The following LPP variants were observed in gnomAD, a reference collection of about 807,000 sequenced individuals.
LPP encodes the protein lipoma-preferred partner.
LPP carries 38 observed loss-of-function variants against 60.4 expected under a neutral mutation model. That is an observed-to-expected ratio of 0.63 (90% CI 0.49 to 0.83). The LOEUF is 0.83. Among genes scored for constraint, LPP ranks in the 40% least tolerant of loss-of-function variants. The pLI, the probability that LPP is intolerant of heterozygous loss-of-function variation, is 0.00. For missense variants in LPP, 902 were observed against 783.6 expected, an observed-to-expected ratio of 1.15 and a Z score of -1.80; for synonymous variants, 328 against 290.8, an observed-to-expected ratio of 1.13 and a Z score of -1.30.
chr3:188,401,815 T>G (rs1782313394), intron 3 of LPP, among the ~76,000 whole-genome samples: 1 of 152,204 alleles, frequency 6.6e-6, no homozygotes, highest in Non-Finnish European at 1.5e-5. Flanking sequence ...CAACAGTATG[T>G]AGATGCTGTG....
intron 4 of LPP, among the ~76,000 whole-genome samples, chr3:188,454,806 C>G (rs1165914446): frequency 6.6e-6 from 1 of 152,150 alleles, no homozygotes; most frequent in Non-Finnish European, 1.5e-5. Context: ...GGGACCATCT[C>G]CATGATTCAC....
intron 7 of LPP, among the ~76,000 whole-genome samples, chr3:188,681,778 A>C (rs1255671536): frequency 6.6e-6 from 1 of 152,180 alleles, no homozygotes; most frequent in Non-Finnish European, 1.5e-5. Context: ...TCTATATACA[A>C]AATTCTTTCA....
At chr3:188,208,383 A>AG (rs1733864145) in intron 1 of LPP, 1 of 152,250 alleles carries the variant, frequency 6.6e-6, no homozygotes, top group Non-Finnish European at 1.5e-5. Flanking sequence ...CTAGAATTCC[A>AG]GGGTAAGCTT....
chr3:188,814,267 A>T (rs967162747), intron 9 of LPP, among the ~76,000 whole-genome samples: 3 of 152,156 alleles, frequency 2.0e-5, no homozygotes, highest in African/African-American at 7.2e-5. Context: ...ATATACACTA[A>T]GACAGTATGC....
chr3:188,161,802 A>G (rs1718368633), intron 1 of LPP, among the ~76,000 whole-genome samples: 2 of 152,300 alleles, frequency 1.3e-5, no homozygotes, highest in East Asian at 3.9e-4. Context: ...ATGGTATCTT[A>G]GGCTTGAAAC....
chr3:188,307,222 G>C (rs1311474596), intron 2 of LPP, among the ~76,000 whole-genome samples: 1 of 152,204 alleles, frequency 6.6e-6, no homozygotes, highest in Admixed American at 6.5e-5. Context: ...AGGTCACACA[G>C]ATGAAATGTG....
intron 3 of LPP, among the ~76,000 whole-genome samples, chr3:188,374,336 G>A (rs1413706192): frequency 2.2e-4 from 34 of 152,114 alleles, no homozygotes; most frequent in East Asian, 5.8e-4. Flanking sequence ...CTTCCTACCC[G>A]TGAGCATGGA....
intron 4 of LPP, among the ~76,000 whole-genome samples, chr3:188,412,968 A>C (rs1355638790): frequency 1.3e-5 from 2 of 151,984 alleles, no homozygotes; most frequent in Non-Finnish European, 2.9e-5. Flanking sequence ...TCCTAAATGC[A>C]CTCATTCAGC....
intron 8 of LPP, among the ~76,000 whole-genome samples, chr3:188,713,268 C>T (rs1712353703): frequency 6.6e-6 from 1 of 151,956 alleles, no homozygotes; most frequent in Admixed American, 6.6e-5. Flanking sequence ...GGACATGCTT[C>T]AAGACACCTG....
chr3:188,800,743 G>A (rs1227100009), intron 9 of LPP, among the ~76,000 whole-genome samples: 1 of 152,100 alleles, frequency 6.6e-6, no homozygotes, highest in East Asian at 1.9e-4. Context: ...TTGCCAAGAA[G>A]ATTGTCTAAA....
intron 2 of LPP, among the ~76,000 whole-genome samples, chr3:188,259,019 C>T (rs757390368): frequency 4.6e-5 from 7 of 152,114 alleles, no homozygotes; most frequent in Non-Finnish European, 1.0e-4. Context: ...CTTTTGCTGT[C>T]TTCCCTTGTA....
intron 1 of LPP, among the ~76,000 whole-genome samples, chr3:188,213,458 T>C (rs1560116180): frequency 6.6e-6 from 1 of 152,110 alleles, no homozygotes; most frequent in African/African-American, 2.4e-5. Context: ...TCGTTCTCCT[T>C]CCCCTAGACT....
At chr3:188,457,831 C>T (rs1195026518) in intron 4 of LPP, among the ~76,000 whole-genome samples, 1 of 151,778 alleles carries the variant, frequency 6.6e-6, no homozygotes, top group Non-Finnish European at 1.5e-5. Context: ...ATCGCTTGAA[C>T]CCAGGAGGTG....
chr3:188,861,280 C>T (rs146097861), intron 9 of LPP, among the ~76,000 whole-genome samples: 1 of 152,110 alleles, frequency 6.6e-6, no homozygotes, highest in Non-Finnish European at 1.5e-5. Flanking sequence ...GTTCTTATCT[C>T]AACAAGACCT....
At chr3:188,492,212 A>G (rs1203350808) in intron 5 of LPP, among the ~76,000 whole-genome samples, 3 of 152,186 alleles carry the variant, frequency 2.0e-5, no homozygotes, top group African/African-American at 4.8e-5. Context: ...CTATGCTTGC[A>G]TATTTCAGAA....
intron 8 of LPP, among the ~76,000 whole-genome samples, chr3:188,740,385 A>C (rs1390595044): frequency 6.6e-6 from 1 of 152,080 alleles, no homozygotes; most frequent in African/African-American, 2.4e-5. Context: ...TCTCTATTGG[A>C]GCATACCTAT....
chr3:188,213,769 T>C (rs527264065), intron 1 of LPP, among the ~76,000 whole-genome samples: 5 of 152,206 alleles, frequency 3.3e-5, no homozygotes, highest in African/African-American at 1.2e-4. Flanking sequence ...AAGGGGATGA[T>C]CACTTGTCCA....
At chr3:188,722,610 G>A (rs1716886019) in intron 8 of LPP, among the ~76,000 whole-genome samples, 1 of 152,232 alleles carries the variant, frequency 6.6e-6, no homozygotes, top group Admixed American at 6.5e-5. Context: ...TTTGCCAGAA[G>A]AACTAACATA....
intron 6 of LPP, among the ~76,000 whole-genome samples, chr3:188,579,476 TACTTA>T (rs1420860459): frequency 6.6e-6 from 1 of 152,194 alleles, no homozygotes; most frequent in Non-Finnish European, 1.5e-5. Flanking sequence ...ATTCTGTAAT[TACTTA>T]AATTATTTCA....
Sources: allele counts gnomAD v4.1 joint callset (sites outside exome capture counted in the v4.1 genomes callset), GRCh38; gene constraint gnomAD v4.1.1; transcripts MANE v1.5; gene names NCBI Gene and HGNC (gene_info 2026-07-23, HGNC 2026-07-21).